WDR72: variants seen among roughly 807,000 people sequenced by gnomAD.
The protein encoded by WDR72 is WD repeat domain 72, also known as WD repeat-containing protein 72.
In WDR72, 120 loss-of-function variants were observed where a neutral mutation model predicts 124.2. The observed-to-expected ratio is 0.97, with a 90% CI of 0.83 to 1.12. The LOEUF is 1.12. Among genes scored for constraint, WDR72 ranks in the 50% most tolerant of loss-of-function variants. The pLI, the probability that WDR72 is intolerant of heterozygous loss-of-function variation, is 0.00. For missense variants in WDR72, 1,387 were observed against 1,278.8 expected, an observed-to-expected ratio of 1.08 and a Z score of -1.29; for synonymous variants, 452 against 441.7, an observed-to-expected ratio of 1.02 and a Z score of -0.29.
chr15:53,669,919 G>A (rs565206157), intron 13 of WDR72, among the ~76,000 whole-genome samples: 50 of 152,256 alleles, frequency 3.3e-4, no homozygotes, highest in African/African-American at 1.2e-3. Context: ...TAAACTTAAT[G>A]ATAATTAGAA....
Position 53,517,844 on chromosome 15 carries a change from A to G in WDR72, c.3254-90T>C. 3 of 1,220,908 alleles carry G rather than the reference A, an allele frequency of 2.5e-6. No homozygotes were observed. The South Asian group carries it at 3.6e-5, about 15-fold the overall frequency. The allele number at this position is 1,220,908 out of a possible 1,614,324, so 75.6% of individuals were successfully genotyped here. A position where few individuals can be genotyped will look rare whatever the true frequency, so the allele number is the denominator to read the frequency against. On this transcript the variant is annotated intron_variant, in intron 19 of 19. Coordinates refer to ENST00000360509, the MANE Select transcript of WDR72 (RefSeq NM_182758.4). Reference sequence around the variant, plus strand: ...CAAGAGGAGGGGAGGGAGAGAGGAAATGAAGAATAGATACAGAAAGGAAGA... The same window carrying G: ...CAAGAGGAGGGGAGGGAGAGAGGAAGTGAAGAATAGATACAGAAAGGAAGA...
At chr15:53,673,712 G>A (rs201623283) in intron 13 of WDR72, among the ~76,000 whole-genome samples, 2 of 152,106 alleles carry the variant, frequency 1.3e-5, no homozygotes, top group African/African-American at 2.4e-5. Context: ...ATATAGGGCC[G>A]GGTGCAGTGG....
intron 14 of WDR72, among the ~76,000 whole-genome samples, chr15:53,638,758 C>T (rs530094150): frequency 1.3e-5 from 2 of 152,212 alleles, no homozygotes; most frequent in South Asian, 4.1e-4. Flanking sequence ...AATCCCAGCA[C>T]TTTCGGAGGA....
At position 53,615,767 on chromosome 15, in the gene WDR72, A is replaced by G. The variant is rs1164739446; in HGVS notation, c.2439T>C (p.Tyr813=). The G allele has an allele frequency of 1.2e-6, 2 of 1,613,600 alleles. No homozygotes were observed. The highest frequency in any genetic ancestry group is 3.3e-5 in the Admixed American group (2 of 59,912). ...AAATATTGAGGTGCTTAATGCAAAGATAATCTAAATCTTTATCCACTCCCC... is the reference window on the plus strand; with the variant it reads ...AAATATTGAGGTGCTTAATGCAAAGGTAATCTAAATCTTTATCCACTCCCC... ...LPWGVDKDLD[Y]LCIKHLNILK... The change falls in exon 15 of 20, where the codon TAT becomes TAC. Residue 813 remains tyrosine, a synonymous_variant. Transcript: ENST00000360509.
intron 1 of WDR72, among the ~76,000 whole-genome samples, chr15:53,741,171 C>T (rs2018498761): frequency 1.3e-5 from 2 of 152,152 alleles, no homozygotes; most frequent in Admixed American, 6.5e-5. Context: ...TAAAGACTCA[C>T]GTATGATAAA....
At chr15:53,609,801 TTACATA>T (rs2013456716) in intron 16 of WDR72, among the ~76,000 whole-genome samples, 1 of 151,470 alleles carries the variant, frequency 6.6e-6, no homozygotes, top group Non-Finnish European at 1.5e-5. Flanking sequence ...CACAGATGAT[TTACATA>T]TACAGCCAGG....
intron 14 of WDR72, among the ~76,000 whole-genome samples, chr15:53,661,407 C>T (rs1187787231): frequency 6.6e-6 from 1 of 152,080 alleles, no homozygotes; most frequent in Non-Finnish European, 1.5e-5. Context: ...CTCTTATTAG[C>T]ATCCAATGCT....
chr15:53,654,991 G>C (rs2015367374), intron 14 of WDR72, among the ~76,000 whole-genome samples: 1 of 152,060 alleles, frequency 6.6e-6, no homozygotes, highest in South Asian at 2.1e-4. Context: ...AGCATTTTGG[G>C]AGGCCGAGGC....
intron 13 of WDR72, among the ~76,000 whole-genome samples, chr15:53,675,141 G>C (rs143518508): frequency 6.6e-6 from 1 of 152,130 alleles, no homozygotes; most frequent in Non-Finnish European, 1.5e-5. Flanking sequence ...TCAGGAGATT[G>C]AGACCATCCT....
intron 18 of WDR72, among the ~76,000 whole-genome samples, chr15:53,590,063 A>C (rs77166256): frequency 0.018 from 2,730 of 152,182 alleles, 76 homozygotes; most frequent in East Asian, 0.13. Flanking sequence ...TAGGTAATGT[A>C]TTCTAGGTGC....
chr15:53,745,592 T>C (rs545748878), intron 1 of WDR72, among the ~76,000 whole-genome samples: 2 of 152,328 alleles, frequency 1.3e-5, no homozygotes, highest in African/African-American at 4.8e-5. Context: ...ATAAGTTTTG[T>C]ATAGTATACA....
chr15:53,669,543 T>C (rs689688), intron 13 of WDR72, among the ~76,000 whole-genome samples: 10,302 of 152,222 alleles, frequency 0.068, 1,185 homozygotes, highest in African/African-American at 0.24. Flanking sequence ...TTCTTTATAC[T>C]AAATTTTCTG....
At chr15:53,673,220 T>C (rs539710305) in intron 13 of WDR72, among the ~76,000 whole-genome samples, 5 of 152,348 alleles carry the variant, frequency 3.3e-5, no homozygotes, top group African/African-American at 9.6e-5. Context: ...CTAATATCAA[T>C]GTATGAATAG....
chr15:53,586,051 CCTCA>C (rs1257957502), intron 18 of WDR72, among the ~76,000 whole-genome samples: 1 of 152,144 alleles, frequency 6.6e-6, no homozygotes. Context: ...CACACTGTGT[CCTCA>C]CTATTTTTAC....
chr15:53,567,337 G>A (rs1347321017), intron 18 of WDR72, among the ~76,000 whole-genome samples: 1 of 151,886 alleles, frequency 6.6e-6, no homozygotes, highest in Non-Finnish European at 1.5e-5. Flanking sequence ...AGATTTGAGG[G>A]GAAGAATATG....
chr15:53,637,439 T>C (rs181672161), intron 14 of WDR72, among the ~76,000 whole-genome samples: 30 of 152,308 alleles, frequency 2.0e-4, no homozygotes, highest in Non-Finnish European at 1.5e-5. Context: ...ACTGGAGTAA[T>C]AGAGTATATT....
Position 53,719,249 on chromosome 15 carries a change from C to T in WDR72, c.261-2564G>A, listed in dbSNP as rs191937831. The stretch of plus-strand genomic sequence containing the variant: ...CTATTACATTTTTCAAACTCTTTTC[C>T]CTTGTCTTTTATTATACTTTCATTT... On this transcript the variant is annotated intron_variant, in intron 3 of 19. Coordinates refer to ENST00000360509, the MANE Select transcript of WDR72 (RefSeq NM_182758.4). 3.7e-3 allele frequency among the ~76,000 whole-genome samples: 568 copies of T among 152,154 alleles called. 2 individuals carry two copies. Among genetic ancestry groups the T allele is most frequent in the Non-Finnish European group, 5.6e-3 (383 of 67,994 alleles).
At chr15:53,534,690 C>G (rs1400739167) in intron 18 of WDR72, among the ~76,000 whole-genome samples, 1 of 152,064 alleles carries the variant, frequency 6.6e-6, no homozygotes, top group East Asian at 1.9e-4. Context: ...TAAAATGTGT[C>G]TCCATGGACC....
intron 1 of WDR72, among the ~76,000 whole-genome samples, chr15:53,741,120 T>C (rs2018497028): frequency 6.6e-6 from 1 of 152,208 alleles, no homozygotes; most frequent in African/African-American, 2.4e-5. Context: ...TGTCTATTGC[T>C]ATAATTGCAG....
Sources: gnomAD v4.1 joint callset for allele counts (sites outside exome capture counted in the v4.1 genomes callset) on GRCh38, gnomAD v4.1.1 for gene constraint, MANE v1.5 for transcripts, NCBI Gene and HGNC (gene_info 2026-07-23, HGNC 2026-07-21) for gene names.